MLLT10: variants seen among roughly 807,000 people sequenced by gnomAD.
MLLT10 encodes the protein protein AF-10.
MLLT10 carries 30 observed loss-of-function variants against 129.1 expected under a neutral mutation model. The ratio of observed to expected loss-of-function variants is 0.23; its 90% CI spans 0.17 to 0.32. The LOEUF (loss-of-function observed/expected upper bound fraction) is 0.32. MLLT10 is among the 10% of genes least tolerant of loss of function. The probability of loss-of-function intolerance (pLI) is 1.00; values close to 1 mark genes in which losing one functional copy is unlikely to be tolerated. For synonymous variants in MLLT10, 490 were observed against 446.4 expected (o/e 1.10, Z -1.23); for missense variants, 1,119 against 1,268.3 (o/e 0.88, Z 1.79).
At chr10:21,546,919 C>T (rs2036175574) in intron 3 of MLLT10, among the ~76,000 whole-genome samples, 1 of 152,088 alleles carries the variant, frequency 6.6e-6, no homozygotes, top group South Asian at 2.1e-4. Context: ...GACGGGGTTT[C>T]TCCATGTTGG....
rs151065602 is a variant in MLLT10, at chr10:21,580,346, A to G, written c.241-5948A>G. ...GGAATAGAGAAAAGAAATCACTCAT[A>G]ATCTTACCATCCTTATCACAGTCCT... On this transcript the variant is annotated intron_variant, in intron 3 of 22. Coordinates refer to ENST00000307729, the MANE Select transcript of MLLT10 (RefSeq NM_001195626.3). 2.3e-3 allele frequency among the ~76,000 whole-genome samples: 343 copies of G among 151,744 alleles called. 1 individual carries two copies. The highest frequency in any genetic ancestry group is 7.8e-3 in the African/African-American group (324 of 41,382).
intron 4 of MLLT10, among the ~76,000 whole-genome samples, chr10:21,591,979 C>G (rs1203694099): frequency 3.3e-5 from 5 of 152,190 alleles, no homozygotes; most frequent in African/African-American, 7.2e-5. Flanking sequence ...CCTTGGCTAT[C>G]TAAAGTGTTG....
intron 11 of MLLT10, among the ~76,000 whole-genome samples, chr10:21,677,793 C>T (rs184648089): frequency 2.0e-5 from 3 of 152,152 alleles, no homozygotes; most frequent in African/African-American, 7.2e-5. Context: ...TCTTGAATGA[C>T]AGGTCGATAA....
rs151065285 is a variant in MLLT10 at position 21,680,144 on chromosome 10, G to A, written c.1622-1188G>A. On this transcript the variant is annotated intron_variant, in intron 11 of 22. Transcript: ENST00000307729. ...TCTGCACCCTCTGCTTGTTCTTCTCGTTTGGGTGGAATAAAAGAGTAAGGG... is the reference window on the plus strand; with the variant it reads ...TCTGCACCCTCTGCTTGTTCTTCTCATTTGGGTGGAATAAAAGAGTAAGGG... Among the ~76,000 whole-genome samples the A allele has an allele frequency of 2.7e-3, 417 of 151,830 alleles. 6 individuals are homozygous for A. Among genetic ancestry groups the A allele is most frequent in the African/African-American group, 6.0e-4 (25 of 41,414 alleles).
intron 9 of MLLT10, among the ~76,000 whole-genome samples, chr10:21,660,472 C>T (rs986436401): frequency 9.3e-5 from 14 of 151,012 alleles, no homozygotes; most frequent in South Asian, 2.1e-4. Context: ...AAAAATTAGC[C>T]GGGCATCGTG....
rs1564509845 is a variant in MLLT10, at chr10:21,613,638, ACGCC to A, written c.509+1188_510-1189del. Among the ~76,000 whole-genome samples, 484 of 152,192 alleles carry A rather than the reference ACGCC, an allele frequency of 3.2e-3. 5 individuals carry two copies. The highest frequency in any genetic ancestry group is 0.011 in the African/African-American group (452 of 41,436). Reference sequence around the variant, plus strand: ...ATGAATATGCTAGGCACTGTGGCTTACGCCTGTAATCCCCAGCACTTTGAGAGAC... The same window carrying A: ...ATGAATATGCTAGGCACTGTGGCTTATGTAATCCCCAGCACTTTGAGAGAC... On this transcript the variant is annotated intron_variant, in intron 6 of 22. Coordinates refer to ENST00000307729, the MANE Select transcript of MLLT10 (RefSeq NM_001195626.3).
At chr10:21,616,093 C>A (rs905187622) in intron 7 of MLLT10, among the ~76,000 whole-genome samples, 4 of 151,908 alleles carry the variant, frequency 2.6e-5, no homozygotes, top group Non-Finnish European at 4.4e-5. Flanking sequence ...TTCTTGTATA[C>A]GAATTACTTA....
At chr10:21,658,846 T>G (rs1239328178) in intron 9 of MLLT10, among the ~76,000 whole-genome samples, 1 of 152,134 alleles carries the variant, frequency 6.6e-6, no homozygotes, top group Non-Finnish European at 1.5e-5. Context: ...TTGTATTTTT[T>G]TAGTAGAGAT....
chr10:21,537,172 G>A (rs1353281605), intron 2 of MLLT10, among the ~76,000 whole-genome samples: 2 of 151,940 alleles, frequency 1.3e-5, no homozygotes, highest in East Asian at 3.9e-4. Flanking sequence ...GCCTTGCCTG[G>A]TCCTACAAAT....
intron 5 of MLLT10, among the ~76,000 whole-genome samples, chr10:21,610,984 C>CTTTT (rs71393913): frequency 2.5e-4 from 26 of 102,864 alleles, no homozygotes; most frequent in South Asian, 7.2e-4. Context: ...TCTTTTTTCT[C>CTTTT]TTTTTTTTTT....
intron 5 of MLLT10, among the ~76,000 whole-genome samples, chr10:21,602,336 G>A (rs575955794): frequency 1.3e-5 from 2 of 151,732 alleles, no homozygotes; most frequent in Admixed American, 6.5e-5. Flanking sequence ...TGGCTCCCCC[G>A]TTATAGGTCA....
At position 21,534,328 on chromosome 10, in the gene MLLT10, C is replaced by G. The variant is rs1405194085; in HGVS notation, c.-193C>G. ...GGAGCCCCCCCTCCCCCCAGTGCGC[C>G]TGTGCGGAGGCCCTCTTGATTATGT... On this transcript the variant is annotated 5_prime_UTR_variant, in exon 1 of 23. Transcript: ENST00000307729. The G allele has an allele frequency of 2.7e-6, 1 of 372,212 alleles. No individual in the cohort carries two copies. Among genetic ancestry groups the G allele is most frequent in the South Asian group, 1.1e-4 (1 of 9,308 alleles). The allele number at this position is 372,212 out of a possible 1,614,324, so 23.1% of individuals were successfully genotyped here.
At chr10:21,597,740 T>C (rs2043152465) in intron 5 of MLLT10, among the ~76,000 whole-genome samples, 1 of 152,264 alleles carries the variant, frequency 6.6e-6, no homozygotes, top group Admixed American at 6.5e-5. Context: ...TTGATGCTTT[T>C]GAATATTACA....
intron 16 of MLLT10, among the ~76,000 whole-genome samples, chr10:21,729,032 GC>G (rs1478178731): frequency 6.6e-6 from 1 of 151,774 alleles, no homozygotes; most frequent in African/African-American, 2.4e-5. Context: ...ATCTAGTGAT[GC>G]CTTTTTTTCT....
intron 8 of MLLT10, among the ~76,000 whole-genome samples, chr10:21,621,104 C>G (rs1477110245): frequency 1.3e-5 from 2 of 151,450 alleles, no homozygotes; most frequent in African/African-American, 4.9e-5. Flanking sequence ...CTGTCTCAGC[C>G]TTCCGAGTAG....
At chr10:21,657,988 A>C (rs1318851546) in intron 9 of MLLT10, among the ~76,000 whole-genome samples, 3 of 152,134 alleles carry the variant, frequency 2.0e-5, no homozygotes, top group African/African-American at 7.2e-5. Flanking sequence ...TTGTCACTTT[A>C]TCTCTCTGTT....
intron 3 of MLLT10, among the ~76,000 whole-genome samples, chr10:21,581,077 GCTC>G (rs1374107074): frequency 3.2e-5 from 4 of 123,598 alleles, no homozygotes; most frequent in South Asian, 5.0e-4. Flanking sequence ...ACGGAGTCTT[GCTC>G]TGTAGCCCAG....
At chr10:21,729,181 G>A (rs2057757057) in intron 16 of MLLT10, among the ~76,000 whole-genome samples, 1 of 152,066 alleles carries the variant, frequency 6.6e-6, no homozygotes, top group Non-Finnish European at 1.5e-5. Context: ...ATTTTATGCT[G>A]TGATTAATTC....
intron 8 of MLLT10, among the ~76,000 whole-genome samples, chr10:21,643,854 C>G (rs2048241751): frequency 6.6e-6 from 1 of 152,112 alleles, no homozygotes; most frequent in Non-Finnish European, 1.5e-5. Flanking sequence ...ATTGAATTCT[C>G]TGCTTCAGGG....
Sources: allele counts gnomAD v4.1 joint callset (sites outside exome capture counted in the v4.1 genomes callset), GRCh38; gene constraint gnomAD v4.1.1; transcripts MANE v1.5; gene names NCBI Gene and HGNC (gene_info 2026-07-23, HGNC 2026-07-21).